CTNNA3: variants seen among roughly 807,000 people sequenced by gnomAD.
CTNNA3 encodes the protein catenin alpha 3.
CTNNA3 carries 76 observed loss-of-function variants against 95.7 expected under a neutral mutation model. The ratio of observed to expected loss-of-function variants is 0.79; its 90% CI spans 0.66 to 0.96. The LOEUF is 0.96. Among genes scored for constraint, CTNNA3 ranks in the 40% least tolerant of loss-of-function variants. CTNNA3 has a pLI of 0.00. For synonymous variants in CTNNA3, 431 were observed against 374.4 expected, an observed-to-expected ratio of 1.15 and a Z score of -1.74; for missense variants, 1,191 against 1,089.8, an observed-to-expected ratio of 1.09 and a Z score of -1.31.
intron 10 of CTNNA3, among the ~76,000 whole-genome samples, chr10:66,566,057 A>C (rs1307071968): frequency 6.6e-6 from 1 of 152,188 alleles, no homozygotes; most frequent in Non-Finnish European, 1.5e-5. Flanking sequence ...AGTGGGAAAC[A>C]CTAAATTTTA....
intron 7 of CTNNA3, among the ~76,000 whole-genome samples, chr10:66,914,874 C>G (rs961930227): frequency 2.0e-5 from 3 of 151,938 alleles, no homozygotes; most frequent in African/African-American, 7.3e-5. Context: ...ATTGCTTGAC[C>G]CAGTGGTATC....
At chr10:66,233,630 A>G (rs184185145) in intron 13 of CTNNA3, among the ~76,000 whole-genome samples, 104 of 152,124 alleles carry the variant, frequency 6.8e-4, no homozygotes, top group Admixed American at 3.5e-3. Context: ...TATAGACTAG[A>G]ATAGTTAAAA....
intron 3 of CTNNA3, among the ~76,000 whole-genome samples, chr10:67,554,698 A>G (rs12357994): frequency 0.14 from 20,765 of 151,846 alleles, 3,151 homozygotes; most frequent in African/African-American, 0.38. Context: ...CTCCCATTCT[A>G]TACGTTGCCT....
chr10:67,447,619 G>A (rs893405656), intron 5 of CTNNA3, among the ~76,000 whole-genome samples: 11 of 152,038 alleles, frequency 7.2e-5, no homozygotes, highest in South Asian at 6.2e-4. Context: ...TATTCAGGTC[G>A]CTGCTCAATG....
At chr10:67,216,526 A>G (rs1191634771) in intron 6 of CTNNA3, among the ~76,000 whole-genome samples, 1 of 152,214 alleles carries the variant, frequency 6.6e-6, no homozygotes, top group Admixed American at 6.5e-5. Context: ...TATTGCATTC[A>G]TTCATTCATG....
At chr10:66,502,811 T>A (rs1212242492) in intron 11 of CTNNA3, among the ~76,000 whole-genome samples, 3 of 152,172 alleles carry the variant, frequency 2.0e-5, no homozygotes, top group Admixed American at 6.5e-5. Flanking sequence ...TAGAGGGGGA[T>A]TCCTGGCAAC....
chr10:66,614,060 CT>C (rs1844423544), intron 10 of CTNNA3, among the ~76,000 whole-genome samples: 5 of 152,066 alleles, frequency 3.3e-5, no homozygotes, highest in Admixed American at 3.3e-4. Flanking sequence ...AAGAGATAGT[CT>C]AATGCTCTTA....
At position 67,180,510 on chromosome 10, in the gene CTNNA3, A is replaced by G. The variant is rs750275823; in HGVS notation, c.854T>C (p.Val285Ala). 1 of 1,613,000 alleles carries G rather than the reference A, an allele frequency of 6.2e-7. No individual in the cohort carries two copies. The highest frequency in any genetic ancestry group is 2.2e-5 in the East Asian group (1 of 44,842). The change falls in exon 7 of 18, where the codon GTC becomes GCC. Residue 285 changes from valine to alanine, a missense_variant. Transcript: ENST00000433211. ...SALDELENLIVLNPLTVTEEE... is the reference protein window; with the variant it reads ...SALDELENLIALNPLTVTEEE... ...CTCAGTTACTGTGAGTGGATTCAGG[A>G]CAATTAAATTCTAAGAGAAGAACAC...
intron 16 of CTNNA3, among the ~76,000 whole-genome samples, chr10:65,971,654 G>A (rs2078105588): frequency 6.6e-6 from 1 of 151,774 alleles, no homozygotes; most frequent in Admixed American, 6.6e-5. Flanking sequence ...CCAAAATCGA[G>A]TTCCTAAATT....
intron 16 of CTNNA3, among the ~76,000 whole-genome samples, chr10:65,975,508 T>C (rs931646780): frequency 7.2e-5 from 11 of 152,112 alleles, no homozygotes; most frequent in Non-Finnish European, 1.2e-4. Context: ...AATTTAGGCA[T>C]ATCTTCTCAC....
At chr10:66,210,464 T>C (rs926397337) in intron 13 of CTNNA3, among the ~76,000 whole-genome samples, 1 of 152,060 alleles carries the variant, frequency 6.6e-6, no homozygotes, top group African/African-American at 2.4e-5. Context: ...AGTTATTACA[T>C]AATGTAAATA....
intron 15 of CTNNA3, among the ~76,000 whole-genome samples, chr10:66,025,545 T>A (rs557282302): frequency 1.3e-5 from 2 of 152,208 alleles, no homozygotes; most frequent in African/African-American, 4.8e-5. Flanking sequence ...TTTTACATCA[T>A]TGAATGTGTT....
At chr10:67,394,437 C>T (rs1161927690) in intron 5 of CTNNA3, among the ~76,000 whole-genome samples, 1 of 152,014 alleles carries the variant, frequency 6.6e-6, no homozygotes, top group Non-Finnish European at 1.5e-5. Context: ...CTATAAGAGG[C>T]ATGTTTGCTT....
intron 7 of CTNNA3, among the ~76,000 whole-genome samples, chr10:66,795,595 G>C (rs1298956715): frequency 1.3e-5 from 2 of 152,136 alleles, no homozygotes; most frequent in Non-Finnish European, 2.9e-5. Flanking sequence ...TCAACTTAAA[G>C]TCACCAGCTG....
At chr10:66,211,409 G>C (rs1010996360) in intron 13 of CTNNA3, among the ~76,000 whole-genome samples, 1 of 152,090 alleles carries the variant, frequency 6.6e-6, no homozygotes, top group African/African-American at 2.4e-5. Flanking sequence ...TCTGCTGTGA[G>C]TATAACAAAA....
intron 7 of CTNNA3, among the ~76,000 whole-genome samples, chr10:66,942,449 G>A (rs1017730005): frequency 4.6e-5 from 7 of 151,988 alleles, no homozygotes; most frequent in African/African-American, 1.7e-4. Context: ...TTAGTATTGT[G>A]TTTCTTCTAG....
chr10:66,398,878 G>T (rs1380799273), intron 11 of CTNNA3, among the ~76,000 whole-genome samples: 1 of 151,984 alleles, frequency 6.6e-6, no homozygotes, highest in African/African-American at 2.4e-5. Context: ...TATTATCTCA[G>T]CAACCTTGCC....
intron 1 of CTNNA3, among the ~76,000 whole-genome samples, chr10:67,654,841 T>G (rs1161935050): frequency 6.6e-6 from 1 of 152,240 alleles, no homozygotes; most frequent in African/African-American, 2.4e-5. Context: ...GCTTCTGATT[T>G]CCATGCAAGA....
chr10:67,066,574 C>T (rs188949908), intron 7 of CTNNA3, among the ~76,000 whole-genome samples: 2 of 149,668 alleles, frequency 1.3e-5, no homozygotes, highest in Non-Finnish European at 3.0e-5. Flanking sequence ...CCAACCATTA[C>T]AGAAGCCAAA....
Sources: gnomAD v4.1 joint callset for allele counts (sites outside exome capture counted in the v4.1 genomes callset) on GRCh38, gnomAD v4.1.1 for gene constraint, MANE v1.5 for transcripts, NCBI Gene and HGNC (gene_info 2026-07-23, HGNC 2026-07-21) for gene names.